The following TACC2 variants were observed in gnomAD, a reference collection of about 807,000 sequenced individuals.
TACC2 encodes the protein transforming acidic coiled-coil-containing protein 2.
TACC2 carries 137 observed loss-of-function variants against 227.3 expected under a neutral mutation model. The ratio of observed to expected loss-of-function variants is 0.60; its 90% CI spans 0.52 to 0.69. TACC2 has a LOEUF of 0.69. TACC2 is among the 30% of genes least tolerant of loss of function. TACC2 has a pLI of 0.00. For synonymous variants in TACC2, 1,523 were observed against 1,487.5 expected, an observed-to-expected ratio of 1.02 and a Z score of -0.55; for missense variants, 3,470 against 3,694.4, an observed-to-expected ratio of 0.94 and a Z score of 1.57.
rs150399623 is a variant in TACC2 at position 122,022,131 on chromosome 10, G to T, written c.33+117G>T. The T allele has an allele frequency of 2.7e-3, 2,659 of 969,982 alleles. 49 individuals are homozygous for T. In the African/African-American group the frequency reaches 0.038, roughly 14 times the overall value. 60.1% of individuals were successfully genotyped at this position (969,982 alleles called of 1,614,324 possible). On this transcript the variant is annotated intron_variant, in intron 2 of 22. Transcript: ENST00000369005. ...AAGGAGCAAACAAGACAGCTTCTGC[G>T]TAGATGTGTGCGGGCATTTATGGAT...
chr10:122,005,473 C>T (rs1023039933), intron 1 of TACC2, among the ~76,000 whole-genome samples: 1 of 151,336 alleles, frequency 6.6e-6, no homozygotes, highest in Admixed American at 6.6e-5. Context: ...CAAGCTCCAC[C>T]TCCTGGGTTC....
At chr10:122,007,587 A>G (rs1955337339) in intron 1 of TACC2, among the ~76,000 whole-genome samples, 1 of 152,144 alleles carries the variant, frequency 6.6e-6, no homozygotes, top group South Asian at 2.1e-4. Flanking sequence ...GTTTTACAGG[A>G]TTCCTAGTTT....
At chr10:122,202,983 CA>C (rs1450117714) in intron 8 of TACC2, among the ~76,000 whole-genome samples, 1 of 151,640 alleles carries the variant, frequency 6.6e-6, no homozygotes, top group Non-Finnish European at 1.5e-5. Flanking sequence ...GGGGTAAGGT[CA>C]CAGATCAACA....
chr10:122,088,453 T>C lies in TACC2; in HGVS notation c.5460-25T>C, dbSNP rs745527602. ...TGCCTTACTATCTACATTATCCTAT[T>C]AATTGCTTTCTTTTATTATCCCAGA... is the stretch of plus-strand genomic sequence containing the variant. On this transcript the variant is annotated intron_variant, in intron 4 of 22. Coordinates refer to ENST00000369005, the MANE Select transcript of TACC2 (RefSeq NM_206862.4). 1.1e-5 allele frequency: 18 copies of C among 1,590,214 alleles called. No individual in the cohort carries two copies. In the East Asian group the frequency reaches 4.0e-4, roughly 36 times the overall value.
chr10:122,104,796 A>G (rs2082562156), intron 5 of TACC2, among the ~76,000 whole-genome samples: 1 of 152,226 alleles, frequency 6.6e-6, no homozygotes, highest in Admixed American at 6.5e-5. Flanking sequence ...AGAAATCCTA[A>G]CGTGGTAACA....
At chr10:122,076,648 C>T (rs77500205) in intron 3 of TACC2, among the ~76,000 whole-genome samples, 1 of 151,886 alleles carries the variant, frequency 6.6e-6, no homozygotes, top group East Asian at 1.9e-4. Flanking sequence ...ATTAGACCTA[C>T]CAGTGAGTGT....
At chr10:121,994,747 G>T (rs1437015175) in intron 1 of TACC2, 1 of 152,354 alleles carries the variant, frequency 6.6e-6, no homozygotes, top group Non-Finnish European at 1.5e-5. Flanking sequence ...CTTCCTTTGA[G>T]CAACCTGTGG....
intron 2 of TACC2, among the ~76,000 whole-genome samples, chr10:122,028,070 T>A (rs112460063): frequency 0.034 from 4,318 of 127,328 alleles, 99 homozygotes; most frequent in Admixed American, 0.084. Context: ...TTTTTCTTTT[T>A]TCTTTCTTTC....
intron 1 of TACC2, among the ~76,000 whole-genome samples, chr10:122,004,892 T>C (rs554668218): frequency 6.6e-6 from 1 of 152,286 alleles, no homozygotes; most frequent in South Asian, 2.1e-4. Flanking sequence ...TAAATTTGTA[T>C]TTTTGTATTT....
At chr10:122,019,705 C>T (rs960106535) in intron 1 of TACC2, 11 of 152,248 alleles carry the variant, frequency 7.2e-5, no homozygotes, top group Non-Finnish European at 1.5e-4. Flanking sequence ...CGGCTCCTGC[C>T]CAGGTATGAA....
chr10:122,203,413 C>T (rs1251080126), intron 8 of TACC2, among the ~76,000 whole-genome samples: 9 of 143,446 alleles, frequency 6.3e-5, no homozygotes, highest in African/African-American at 1.6e-4. Context: ...GCTGGGCGGG[C>T]GGCTGACCCC....
At chr10:122,127,340 T>C (rs2087081785) in intron 5 of TACC2, among the ~76,000 whole-genome samples, 2 of 152,258 alleles carry the variant, frequency 1.3e-5, no homozygotes, top group Non-Finnish European at 2.9e-5. Flanking sequence ...GGGCTCTTCC[T>C]GTGGCATGGA....
At chr10:122,057,200 A>C (rs2076293262) in intron 3 of TACC2, among the ~76,000 whole-genome samples, 1 of 152,140 alleles carries the variant, frequency 6.6e-6, no homozygotes. Context: ...TCAAACATAA[A>C]ATAAAAATAA....
chr10:122,164,047 C>T lies in TACC2; in HGVS notation c.5834+20341C>T, dbSNP rs41306864. ...CTCCCGGGGAGGAGGAGAGGATGCCCGGGCTTTGTTAGTGTCGCCTTTCCT... is the reference window on the plus strand; with the variant it reads ...CTCCCGGGGAGGAGGAGAGGATGCCTGGGCTTTGTTAGTGTCGCCTTTCCT... On this transcript the variant is annotated intron_variant, in intron 7 of 22. Coordinates refer to ENST00000369005, the MANE Select transcript of TACC2 (RefSeq NM_206862.4). 2.8e-3 allele frequency: 4,348 copies of T among 1,547,904 alleles called. 8 individuals carry two copies. Among genetic ancestry groups the T allele is most frequent in the South Asian group, 4.8e-3 (406 of 83,882 alleles).
At position 122,082,956 on chromosome 10, in the gene TACC2, G is replaced by A. The variant is rs774962316; in HGVS notation, c.456G>A (p.Ala152=). 5.1e-5 allele frequency: 83 copies of A among 1,612,886 alleles called. No homozygotes were observed. The highest frequency in any genetic ancestry group is 8.3e-5 in the Admixed American group (5 of 60,008). ...PAPNAPGDIA[A]AFPAERDSST... is the part of the protein sequence containing the mutation. Reference sequence around the variant, plus strand: ...CAAATGCCCCAGGAGACATCGCGGCGGCATTTCCCGCTGAGAGGGACAGCT... The same window carrying A: ...CAAATGCCCCAGGAGACATCGCGGCAGCATTTCCCGCTGAGAGGGACAGCT... The change falls in exon 4 of 23, where the codon GCG becomes GCA. Residue 152 remains alanine (A), a synonymous_variant. Coordinates refer to ENST00000369005, the MANE Select transcript of TACC2 (RefSeq NM_206862.4).
At chr10:122,252,080 T>C (rs1357864671) in intron 22 of TACC2, among the ~76,000 whole-genome samples, 1 of 152,254 alleles carries the variant, frequency 6.6e-6, no homozygotes, top group Non-Finnish European at 1.5e-5. Flanking sequence ...GTTTGCTTAG[T>C]GGTGGCTGAT....
At chr10:122,121,015 C>T (rs2085669124) in intron 5 of TACC2, among the ~76,000 whole-genome samples, 1 of 152,174 alleles carries the variant, frequency 6.6e-6, no homozygotes, top group Non-Finnish European at 1.5e-5. Flanking sequence ...CCTCCTTGGG[C>T]TCCCAAAGTG....
intron 5 of TACC2, among the ~76,000 whole-genome samples, chr10:122,111,274 T>TAAAA (rs931075064): frequency 2.1e-4 from 32 of 152,228 alleles, no homozygotes; most frequent in Non-Finnish European, 3.8e-4. Context: ...GCCTTCCTTT[T>TAAAA]GCCAACCATA....
At chr10:121,993,091 G>A (rs1442556428) in intron 1 of TACC2, among the ~76,000 whole-genome samples, 20 of 152,254 alleles carry the variant, frequency 1.3e-4, no homozygotes, top group Admixed American at 1.0e-3. Context: ...AGGCCAAGGC[G>A]GAAGGATCCC....
Sources: allele counts gnomAD v4.1 joint callset (sites outside exome capture counted in the v4.1 genomes callset), GRCh38; gene constraint gnomAD v4.1.1; transcripts MANE v1.5; gene names NCBI Gene and HGNC (gene_info 2026-07-23, HGNC 2026-07-21).